The following MAF variants were observed in gnomAD, a reference collection of about 807,000 sequenced individuals.
MAF encodes MAF bZIP transcription factor, also known as transcription factor Maf.
MAF carries 10 observed loss-of-function variants against 22.0 expected under a neutral mutation model. That is an observed-to-expected ratio of 0.45 (90% CI 0.28 to 0.77). The LOEUF (loss-of-function observed/expected upper bound fraction) is 0.77, where lower values mean the gene tolerates loss of function less well. MAF is among the 30% of genes least tolerant of loss of function. The pLI is 0.12. For missense variants in MAF, 544 were observed against 548.4 expected (o/e 0.99, Z 0.08); for synonymous variants, 337 against 255.8 (o/e 1.32, Z -3.03).
At chr16:79,463,453 A>G in the MAF span, among the ~76,000 whole-genome samples, 1 of 152,212 alleles carries the variant, frequency 6.6e-6, no homozygotes, top group African/African-American at 2.4e-5. Context: ...TGATTTTAAA[A>G]TTCCATGTCT....
the MAF span, among the ~76,000 whole-genome samples, chr16:79,420,197 A>G: frequency 2.6e-4 from 40 of 152,292 alleles, no homozygotes; most frequent in African/African-American, 9.6e-4. Flanking sequence ...AATCAATAAG[A>G]TTGATCCCTC....
the MAF span, among the ~76,000 whole-genome samples, chr16:79,551,614 C>T: frequency 1.3e-5 from 2 of 152,166 alleles, no homozygotes; most frequent in South Asian, 4.1e-4. Context: ...CTTTTAGGGA[C>T]CACTTGGGTC....
the MAF span, among the ~76,000 whole-genome samples, chr16:79,401,594 C>G: frequency 1.1e-4 from 17 of 152,238 alleles, no homozygotes; most frequent in African/African-American, 3.9e-4. Flanking sequence ...TGGAAATGTA[C>G]TCATGAACTT....
At chr16:79,301,205 G>A in the MAF span, among the ~76,000 whole-genome samples, 7 of 152,120 alleles carry the variant, frequency 4.6e-5, no homozygotes, top group African/African-American at 1.7e-4. Context: ...CTAACTGCAT[G>A]AAGGACACCC....
At chr16:79,409,172 C>T in the MAF span, among the ~76,000 whole-genome samples, 3 of 151,956 alleles carry the variant, frequency 2.0e-5, no homozygotes, top group Admixed American at 2.0e-4. Flanking sequence ...TTTTTAGGCG[C>T]CTTATAAATT....
rs781038443 is a variant in MAF, at chr16:79,600,638, G to A, written c.-736C>T. 3 of 197,446 alleles carry A rather than the reference G, an allele frequency of 1.5e-5. No homozygotes were observed. Among genetic ancestry groups the A allele is most frequent in the South Asian group, 4.0e-4 (2 of 5,028 alleles). 12.2% of individuals were successfully genotyped at this position (197,446 alleles called of 1,614,324 possible). ...AAATAGCGAAGTCCTGGGGAAAGAC[G>A]AGGCAGAGAGCAAAGGGGGGAGGGG... On this transcript the variant is annotated 5_prime_UTR_variant, in exon 1 of 2. Coordinates refer to ENST00000326043, the MANE Select transcript of MAF (RefSeq NM_005360.5).
At chr16:79,417,011 A>T in the MAF span, among the ~76,000 whole-genome samples, 3 of 152,184 alleles carry the variant, frequency 2.0e-5, no homozygotes, top group African/African-American at 7.2e-5. Flanking sequence ...CCAGGCAAAC[A>T]TGTTGTTTCC....
the MAF span, among the ~76,000 whole-genome samples, chr16:79,297,181 C>T: frequency 6.6e-6 from 1 of 152,118 alleles, no homozygotes; most frequent in Non-Finnish European, 1.5e-5. Flanking sequence ...AACGCAAGGC[C>T]ATCCTAATAT....
chr16:79,262,734 C>T, the MAF span, among the ~76,000 whole-genome samples: 1 of 152,314 alleles, frequency 6.6e-6, no homozygotes, highest in African/African-American at 2.4e-5. Context: ...GGAGTCAATG[C>T]TTGCACCATC....
the MAF span, among the ~76,000 whole-genome samples, chr16:79,419,078 C>A: frequency 5.9e-5 from 9 of 152,270 alleles, no homozygotes; most frequent in African/African-American, 1.9e-4. Context: ...GGAAATACAC[C>A]AGTCTAAATG....
At chr16:79,490,712 C>T in the MAF span, among the ~76,000 whole-genome samples, 2 of 152,160 alleles carry the variant, frequency 1.3e-5, no homozygotes, top group South Asian at 4.1e-4. Flanking sequence ...AGTACTTTCA[C>T]TCTCAAAGTT....
chr16:79,459,697 C>G, the MAF span, among the ~76,000 whole-genome samples: 4 of 151,828 alleles, frequency 2.6e-5, no homozygotes, highest in Non-Finnish European at 4.4e-5. Flanking sequence ...CTCAGCCTCC[C>G]GACTAGCTGG....
At chr16:79,221,350 G>C in the MAF span, among the ~76,000 whole-genome samples, 1 of 152,130 alleles carries the variant, frequency 6.6e-6, no homozygotes, top group Non-Finnish European at 1.5e-5. Flanking sequence ...ATTCAGTCAT[G>C]TTACCGTTTT....
rs1913987102 is a variant in MAF, at chr16:79,600,615, A to G, written c.-713T>C. 1 of 197,308 alleles carries G rather than the reference A, an allele frequency of 5.1e-6. No individual in the cohort carries two copies. The highest frequency in any genetic ancestry group is 2.4e-5 in the African/African-American group (1 of 42,210). 12.2% of individuals were successfully genotyped at this position (197,308 alleles called of 1,614,324 possible). ...TCTTGCCTTTTTTTAAAAAAGCAAAATAGCGAAGTCCTGGGGAAAGACGAG... is the reference window on the plus strand; with the variant it reads ...TCTTGCCTTTTTTTAAAAAAGCAAAGTAGCGAAGTCCTGGGGAAAGACGAG... On this transcript the variant is annotated 5_prime_UTR_variant, in exon 1 of 2. Transcript: ENST00000326043.
the MAF span, among the ~76,000 whole-genome samples, chr16:79,357,200 G>A: frequency 6.6e-6 from 1 of 152,102 alleles, no homozygotes; most frequent in African/African-American, 2.4e-5. Context: ...AGGTTGCAAC[G>A]AGCTGAGATT....
chr16:79,502,712 T>TATAA, the MAF span, among the ~76,000 whole-genome samples: 3 of 31,124 alleles, frequency 9.6e-5, no homozygotes, highest in African/African-American at 4.2e-4. Context: ...AATATAAATA[T>TATAA]ATATATATAT....
At chr16:79,379,467 G>A in the MAF span, among the ~76,000 whole-genome samples, 4 of 151,694 alleles carry the variant, frequency 2.6e-5, no homozygotes, top group East Asian at 7.8e-4. Flanking sequence ...GGACGTAGGA[G>A]CAGAAGTAGT....
chr16:79,320,406 G>T, the MAF span, among the ~76,000 whole-genome samples: 7 of 152,138 alleles, frequency 4.6e-5, no homozygotes, highest in Non-Finnish European at 8.8e-5. Context: ...TGCAGGACAC[G>T]CTGCTGCTTC....
chr16:79,498,828 A>C, the MAF span, among the ~76,000 whole-genome samples: 1 of 152,164 alleles, frequency 6.6e-6, no homozygotes, highest in East Asian at 1.9e-4. Flanking sequence ...CTGGTAATTT[A>C]CTTATTCATT....
Sources: gnomAD v4.1 joint callset for allele counts (sites outside exome capture counted in the v4.1 genomes callset) on GRCh38, gnomAD v4.1.1 for gene constraint, MANE v1.5 for transcripts, NCBI Gene and HGNC (gene_info 2026-07-23, HGNC 2026-07-21) for gene names.